MYSM1: variants seen among roughly 807,000 people sequenced by gnomAD.
MYSM1 encodes the protein deubiquitinase MYSM1.
In MYSM1, 51 loss-of-function variants were observed where a neutral mutation model predicts 116.0. The ratio of observed to expected loss-of-function variants is 0.44; its 90% CI spans 0.35 to 0.56. The LOEUF is 0.56. Ranked by LOEUF, MYSM1 falls within the 20% of genes least tolerant of loss-of-function variation. The pLI is 0.00. For synonymous variants in MYSM1, 313 were observed against 315.2 expected (o/e 0.99, Z 0.07); for missense variants, 900 against 974.9 (o/e 0.92, Z 1.02).
chr1:58,683,584 T>A (rs1285484961), intron 7 of MYSM1, among the ~76,000 whole-genome samples: 2 of 152,142 alleles, frequency 1.3e-5, no homozygotes, highest in African/African-American at 2.4e-5. Context: ...TGAAAGTGAA[T>A]GAGCAAATAT....
intron 15 of MYSM1, 89 bp downstream of exon 15, chr1:58,667,758 T>C: frequency 3.8e-6 from 3 of 796,900 alleles, no homozygotes; most frequent in Non-Finnish European, 6.4e-6. Flanking sequence ...AAGTCTGTAT[T>C]TTAATTATAT....
chr1:58,661,038 C>T (rs1644383020), intron 19 of MYSM1, 132 bp downstream of exon 19: 1 of 672,112 alleles, frequency 1.5e-6, no homozygotes, highest in East Asian at 2.8e-5. Context: ...ATTAATTTTC[C>T]AAAGGAAAAA....
intron 7 of MYSM1, among the ~76,000 whole-genome samples, chr1:58,682,955 A>G (rs1337005065): frequency 3.3e-5 from 5 of 152,176 alleles, no homozygotes; most frequent in African/African-American, 1.2e-4. Flanking sequence ...TCGGCCTCCC[A>G]AAGTGCTGGG....
intron 12 of MYSM1, among the ~76,000 whole-genome samples, chr1:58,669,376 A>C (rs1569723658): frequency 6.6e-6 from 1 of 152,202 alleles, no homozygotes; most frequent in Admixed American, 6.5e-5. Context: ...CATGAGACCC[A>C]AAAAAAGGTT....
At chr1:58,676,867 TA>T in intron 9 of MYSM1, 58 bp downstream of exon 9, 1 of 1,556,022 alleles carries the variant, frequency 6.4e-7, no homozygotes, top group Non-Finnish European at 8.7e-7. Context: ...TAGAAATGAA[TA>T]AGTGCTGTAA....
chr1:58,670,712 A>ATGAATG (rs1204631993), intron 12 of MYSM1, among the ~76,000 whole-genome samples: 1 of 152,230 alleles, frequency 6.6e-6, no homozygotes, highest in Non-Finnish European at 1.5e-5. Flanking sequence ...TGATTGAAGA[A>ATGAATG]TGAATGTCTT....
chr1:58,689,187 T>A (rs1644869757), intron 5 of MYSM1, 71 bp from the exon 6 acceptor site: 1 of 1,155,344 alleles, frequency 8.7e-7, no homozygotes, highest in Non-Finnish European at 1.2e-6. Context: ...TAACTAAAGG[T>A]TATAGATAGC....
intron 16 of MYSM1, among the ~76,000 whole-genome samples, chr1:58,666,229 T>C (rs1442020147): frequency 1.3e-5 from 2 of 152,200 alleles, no homozygotes; most frequent in African/African-American, 4.8e-5. Flanking sequence ...TTACTAATTG[T>C]ATTCACCACC....
chr1:58,672,562 TATAAA>T (rs1161139624), intron 11 of MYSM1, among the ~76,000 whole-genome samples: 1 of 152,178 alleles, frequency 6.6e-6, no homozygotes, highest in Non-Finnish European at 1.5e-5. Flanking sequence ...TATAAGTGTT[TATAAA>T]ATAAAGTAAA....
intron 17 of MYSM1, among the ~76,000 whole-genome samples, chr1:58,664,586 T>C (rs1233973690): frequency 1.3e-5 from 2 of 152,102 alleles, no homozygotes; most frequent in Non-Finnish European, 2.9e-5. Context: ...GTAAATAACA[T>C]GGGGGCAGTG....
intron 8 of MYSM1, among the ~76,000 whole-genome samples, chr1:58,678,028 A>G (rs1023495061): frequency 1.3e-5 from 2 of 152,156 alleles, no homozygotes; most frequent in African/African-American, 2.4e-5. Context: ...GATAATGTAA[A>G]ATTTCTAACC....
chr1:58,698,292 G>A (rs181825262), intron 1 of MYSM1, among the ~76,000 whole-genome samples: 7 of 149,686 alleles, frequency 4.7e-5, no homozygotes, highest in Admixed American at 3.3e-4. Flanking sequence ...AGTAGAGATG[G>A]GGTTTCACCG....
rs148500637 is a variant in MYSM1 at position 58,662,303 on chromosome 1, C to A, written c.2165-792G>T. Among the ~76,000 whole-genome samples the A allele has an allele frequency of 6.2e-3, 937 of 152,208 alleles. 3 individuals carry two copies. The highest frequency in any genetic ancestry group is 0.019 in the East Asian group (101 of 5,182). ...GCAATTTTTCACATATCCTTCAAGA[C>A]CCCCATGCAAATGCATCTATAGCAT... On this transcript the variant is annotated intron_variant, in intron 17 of 19. Coordinates refer to ENST00000472487, the MANE Select transcript of MYSM1 (RefSeq NM_001085487.3).
At chr1:58,666,526 GA>G (rs34472745) in intron 16 of MYSM1, among the ~76,000 whole-genome samples, 2 of 145,756 alleles carry the variant, frequency 1.4e-5, no homozygotes, top group African/African-American at 2.5e-5. Flanking sequence ...CTTGCAATCA[GA>G]AAAAAAAATG....
At chr1:58,673,672 G>C (rs755623035) in intron 10 of MYSM1, 22 bp from the exon 11 acceptor site, 6 of 1,590,578 alleles carry the variant, frequency 3.8e-6, no homozygotes, top group Non-Finnish European at 5.2e-6. Context: ...TTAAAGTAAA[G>C]CAAAAGGTAG....
chr1:58,695,258 G>C (rs1644958215), intron 1 of MYSM1, 51 bp from the exon 2 acceptor site: 1 of 1,167,434 alleles, frequency 8.6e-7, no homozygotes, highest in Non-Finnish European at 1.3e-6. Context: ...ATTAGTTAAT[G>C]AATGTAACTT....
chr1:58,676,711 C>T, intron 9 of MYSM1: 2 of 321,468 alleles, frequency 6.2e-6, no homozygotes, highest in East Asian at 8.1e-5. Flanking sequence ...AATATTTTAC[C>T]TTTAAAGTTA....
intron 16 of MYSM1, among the ~76,000 whole-genome samples, chr1:58,665,860 C>G (rs1181574077): frequency 2.0e-5 from 3 of 152,118 alleles, no homozygotes; most frequent in African/African-American, 7.2e-5. Context: ...GGCTTGAGAC[C>G]AGCCTGGCCA....
In MYSM1 at chr1:58,655,162, T is replaced by A. The variant is rs1465126687; in HGVS notation, c.*4835A>T. On this transcript the variant is annotated 3_prime_UTR_variant, in exon 20 of 20. Coordinates refer to ENST00000472487, the MANE Select transcript of MYSM1 (RefSeq NM_001085487.3). The stretch of plus-strand genomic sequence containing the variant: ...ACAAATCTAAAAGATATATGACTAA[T>A]CTATTTAACTCACGCTAGAATCTAA... 1 of 152,196 alleles carries A rather than the reference T, an allele frequency of 6.6e-6. No homozygotes were observed. The highest frequency in any genetic ancestry group is 2.1e-4 in the South Asian group (1 of 4,836). 9.4% of individuals were successfully genotyped at this position (152,196 alleles called of 1,614,324 possible). A position where few individuals can be genotyped will look rare whatever the true frequency, so the allele number is the denominator to read the frequency against.
Sources: gnomAD v4.1 joint callset for allele counts (sites outside exome capture counted in the v4.1 genomes callset) on GRCh38, gnomAD v4.1.1 for gene constraint, MANE v1.5 for transcripts, NCBI Gene and HGNC (gene_info 2026-07-23, HGNC 2026-07-21) for gene names.